MLLT1: variants seen among roughly 807,000 people sequenced by gnomAD.
The protein encoded by MLLT1 is MLLT1 super elongation complex subunit, also known as protein ENL.
In MLLT1, 11 loss-of-function variants were observed where a neutral mutation model predicts 55.1. That is an observed-to-expected ratio of 0.20 (90% CI 0.13 to 0.33). The LOEUF is 0.33. Ranked by LOEUF, MLLT1 falls within the 10% of genes least tolerant of loss-of-function variation. The pLI, the probability that MLLT1 is intolerant of heterozygous loss-of-function variation, is 1.00. For synonymous variants in MLLT1, 323 were observed against 320.1 expected, an observed-to-expected ratio of 1.01 and a Z score of -0.10; for missense variants, 536 against 760.6, an observed-to-expected ratio of 0.70 and a Z score of 3.47.
rs2090970200 is a variant in MLLT1 at position 6,227,914 on chromosome 19, A to G, written c.421-812T>C. Among the ~76,000 whole-genome samples, 1 of 152,212 alleles carries G rather than the reference A, an allele frequency of 6.6e-6. No homozygotes were observed. Among genetic ancestry groups the G allele is most frequent in the Non-Finnish European group, 1.5e-5 (1 of 68,038 alleles). Reference sequence around the variant, plus strand: ...CCAGATGGCCGCAAGAGAGAACAAAAGAAGAAAATACACTTCAAAAAAAAA... The same window carrying G: ...CCAGATGGCCGCAAGAGAGAACAAAGGAAGAAAATACACTTCAAAAAAAAA... On this transcript the variant is annotated intron_variant, in intron 4 of 11. Transcript: ENST00000252674. The surrounding 1 kb of genome is among the most constrained non-coding windows in gnomAD (Gnocchi z 5.1).
chr19:6,262,805 C>T lies in MLLT1; in HGVS notation c.194-495G>A, dbSNP rs1600213424. On this transcript the variant is annotated intron_variant, in intron 2 of 11. Transcript: ENST00000252674. The surrounding 1 kb of genome is among the most constrained non-coding windows in gnomAD (Gnocchi z 4.4). ...CAGGGGAGCCCCAGGTGGCTGGGAC[C>T]CTCCTCCTGGGTTCTAGTTTAGCAC... Among the ~76,000 whole-genome samples the T allele has an allele frequency of 6.6e-6, 1 of 152,054 alleles. No individual in the cohort carries two copies. Among genetic ancestry groups the T allele is most frequent in the South Asian group, 2.1e-4 (1 of 4,806 alleles).
At position 6,238,764 on chromosome 19, in the gene MLLT1, C is replaced by T. The variant is rs527633937; in HGVS notation, c.277-8051G>A. Among the ~76,000 whole-genome samples the T allele has an allele frequency of 6.6e-5, 10 of 152,366 alleles. No individual in the cohort carries two copies. The South Asian group carries it at 1.0e-3, about 16-fold the overall frequency. The stretch of plus-strand genomic sequence containing the variant: ...TCCAGCCAGCAGCAAACACCTTCTC[C>T]GCCAGGGCCTTCTCCGGCCAGCAGC... On this transcript the variant is annotated intron_variant, in intron 3 of 11. Coordinates refer to ENST00000252674, the MANE Select transcript of MLLT1 (RefSeq NM_005934.4).
intron 3 of MLLT1, among the ~76,000 whole-genome samples, chr19:6,246,485 G>A (rs2091170125): frequency 6.6e-6 from 1 of 152,188 alleles, no homozygotes; most frequent in African/African-American, 2.4e-5. Flanking sequence ...CATTCATATG[G>A]CAACATGGAC....
At chr19:6,218,255 G>C (rs531440238) in intron 6 of MLLT1, among the ~76,000 whole-genome samples, 1 of 152,230 alleles carries the variant, frequency 6.6e-6, no homozygotes, top group Non-Finnish European at 1.5e-5. Context: ...GCCAGCCCTA[G>C]GACACCCGTG....
intron 3 of MLLT1, among the ~76,000 whole-genome samples, chr19:6,250,189 G>C (rs895688439): frequency 6.6e-6 from 1 of 152,076 alleles, no homozygotes; most frequent in Non-Finnish European, 1.5e-5. Context: ...AGGGAAAGGT[G>C]AATCAAAACC....
intron 3 of MLLT1, among the ~76,000 whole-genome samples, chr19:6,244,764 G>C (rs1487303598): frequency 6.6e-6 from 1 of 152,012 alleles, no homozygotes; most frequent in Non-Finnish European, 1.5e-5. Flanking sequence ...TTTAATGAGA[G>C]GGAAGGGCAA....
intron 3 of MLLT1, among the ~76,000 whole-genome samples, chr19:6,239,369 G>T (rs2091093727): frequency 6.6e-6 from 1 of 152,224 alleles, no homozygotes; most frequent in Admixed American, 6.5e-5. Context: ...CCCCTGCAGA[G>T]GGAGACCCGG....
chr19:6,240,832 C>T lies in MLLT1; in HGVS notation c.277-10119G>A, dbSNP rs960550961. 2.0e-5 allele frequency among the ~76,000 whole-genome samples: 3 copies of T among 152,110 alleles called. No individual in the cohort carries two copies. Among genetic ancestry groups the T allele is most frequent in the East Asian group, 1.9e-4 (1 of 5,192 alleles). On this transcript the variant is annotated intron_variant, in intron 3 of 11. Coordinates refer to ENST00000252674, the MANE Select transcript of MLLT1 (RefSeq NM_005934.4). This position sits in a 1 kb window ranked among gnomAD's most constrained non-coding sequence, Gnocchi z 4.7. The stretch of plus-strand genomic sequence containing the variant: ...CGATAACCAGAATCAATTCCTGCAT[C>T]GATGAGCAATTAGAAACCAAAAGGA...
intron 2 of MLLT1, among the ~76,000 whole-genome samples, chr19:6,267,142 C>A (rs766819410): frequency 6.6e-6 from 1 of 152,020 alleles, no homozygotes; most frequent in Non-Finnish European, 1.5e-5. Flanking sequence ...CGCTCTGTCG[C>A]CCAGGCCGGA....
At chr19:6,215,843 C>A (rs1166189056) in intron 8 of MLLT1, among the ~76,000 whole-genome samples, 1 of 152,162 alleles carries the variant, frequency 6.6e-6, no homozygotes, top group Non-Finnish European at 1.5e-5. Context: ...GGAGGCCGAG[C>A]GCATGGAGCT....
At chr19:6,247,385 A>C (rs1469106156) in intron 3 of MLLT1, among the ~76,000 whole-genome samples, 2 of 152,198 alleles carry the variant, frequency 1.3e-5, no homozygotes, top group Non-Finnish European at 2.9e-5. Flanking sequence ...GTGGTGCCAG[A>C]ATGTGAAAGC....
chr19:6,222,125 G>T lies in MLLT1; in HGVS notation c.1106C>A (p.Ser369Tyr). The T allele has an allele frequency of 1.3e-6, 2 of 1,513,210 alleles. No individual in the cohort carries two copies. The highest frequency in any genetic ancestry group is 8.9e-7 in the Non-Finnish European group (1 of 1,127,952). The allele number at this position is 1,513,210 out of a possible 1,614,324, so 93.7% of individuals were successfully genotyped here. The change falls in exon 6 of 12, where the codon TCC becomes TAC. Residue 369 changes from serine (S) to tyrosine (Y), a missense_variant. Physicochemically the swap from Ser to Tyr is moderately radical, Grantham distance 144. Transcript: ENST00000252674. The surrounding 1 kb of genome is among the most constrained non-coding windows in gnomAD (Gnocchi z 4.1). The stretch of plus-strand genomic sequence containing the variant: ...CTGCCCCCAGCACTCACTCACCTCG[G>T]ACTTGAAGGAGGCCTCGTCCTCTGA... ...SNSEDEASFK[S>Y]ESAQSSPSNS...
At position 6,224,671 on chromosome 19, in the gene MLLT1, C is replaced by T. The variant is rs773636476; in HGVS notation, c.547-1987G>A. On this transcript the variant is annotated intron_variant, in intron 5 of 11. Coordinates refer to ENST00000252674, the MANE Select transcript of MLLT1 (RefSeq NM_005934.4). ...TAGAAGGAGTCTTCCCACACAGGAG[C>T]ACAGGCACCCGACACCACAGGTTCT... Among the ~76,000 whole-genome samples the T allele has an allele frequency of 1.0e-3, 156 of 152,342 alleles. 2 individuals carry two copies. The highest frequency in any genetic ancestry group is 4.6e-4 in the Non-Finnish European group (31 of 68,036).
chr19:6,212,147 G>T lies in MLLT1; in HGVS notation c.*895C>A. On this transcript the variant is annotated 3_prime_UTR_variant, in exon 12 of 12. Coordinates refer to ENST00000252674, the MANE Select transcript of MLLT1 (RefSeq NM_005934.4). Reference sequence around the variant, plus strand: ...GGCCGAGCCCCAGGGCGGCTGATGCGAGTCTGTCCGCGGAGACTGTTGGCG... The same window carrying T: ...GGCCGAGCCCCAGGGCGGCTGATGCTAGTCTGTCCGCGGAGACTGTTGGCG... 1 of 1,066,138 alleles carries T rather than the reference G, an allele frequency of 9.4e-7. No individual in the cohort carries two copies. The allele number at this position is 1,066,138 out of a possible 1,614,324, so 66.0% of individuals were successfully genotyped here.
At chr19:6,218,188 G>T in intron 6 of MLLT1, 147 bp from the exon 7 acceptor site, 1 of 1,257,898 alleles carries the variant, frequency 7.9e-7, no homozygotes, top group Non-Finnish European at 1.1e-6. Flanking sequence ...CACGTGTGCC[G>T]CTGAGAACCC....
At chr19:6,274,529 G>A (rs765761748) in intron 1 of MLLT1, among the ~76,000 whole-genome samples, 44 of 152,150 alleles carry the variant, frequency 2.9e-4, no homozygotes, top group Non-Finnish European at 5.0e-4. Flanking sequence ...TAATCTGATT[G>A]GTCAGTGGCT....
In MLLT1 at chr19:6,218,852, G is replaced by A. The variant is rs1393653184; in HGVS notation, c.1111-811C>T. Among the ~76,000 whole-genome samples the A allele has an allele frequency of 2.6e-5, 4 of 152,224 alleles. No individual in the cohort carries two copies. The East Asian group carries it at 7.7e-4, about 29-fold the overall frequency. Reference sequence around the variant, plus strand: ...ATTTCTGCCAATGAGCTCATCCCAAGGGGTGTGCCAGAGGACATGGCGGGC... The same window carrying A: ...ATTTCTGCCAATGAGCTCATCCCAAAGGGTGTGCCAGAGGACATGGCGGGC... On this transcript the variant is annotated intron_variant, in intron 6 of 11. Transcript: ENST00000252674.
At chr19:6,269,574 C>T (rs540065215) in intron 2 of MLLT1, among the ~76,000 whole-genome samples, 20 of 152,318 alleles carry the variant, frequency 1.3e-4, no homozygotes, top group East Asian at 3.9e-4. Context: ...CTGCTGTCAA[C>T]GCCCATCACT....
chr19:6,266,445 T>C (rs1236044891), intron 2 of MLLT1, among the ~76,000 whole-genome samples: 1 of 152,078 alleles, frequency 6.6e-6, no homozygotes, highest in Non-Finnish European at 1.5e-5. Context: ...GCCCACGTCT[T>C]ATAAATTTTT....
Sources: gnomAD v4.1 joint callset for allele counts (sites outside exome capture counted in the v4.1 genomes callset) on GRCh38, gnomAD v4.1.1 for gene constraint, Gnocchi (gnomAD v3.1) non-coding constraint, MANE v1.5 for transcripts, NCBI Gene and HGNC (gene_info 2026-07-23, HGNC 2026-07-21) for gene names.